The following ERGIC2 variants were observed in gnomAD, a reference collection of about 807,000 sequenced individuals.
ERGIC2 encodes endoplasmic reticulum-Golgi intermediate compartment protein 2.
Under a neutral mutation model 52.5 loss-of-function variants are expected in ERGIC2, and 31 were observed. The ratio of observed to expected loss-of-function variants is 0.59; its 90% CI spans 0.44 to 0.80. The LOEUF is 0.80. Ranked by LOEUF, ERGIC2 falls within the 30% of genes least tolerant of loss-of-function variation. The pLI, the probability that ERGIC2 is intolerant of heterozygous loss-of-function variation, is 0.00. For missense variants in ERGIC2, 395 were observed against 455.2 expected (o/e 0.87, Z 1.20); for synonymous variants, 129 against 140.6 (o/e 0.92, Z 0.58).
At chr12:29,347,570 T>C (rs1471626066) in intron 10 of ERGIC2, among the ~76,000 whole-genome samples, 1 of 152,100 alleles carries the variant, frequency 6.6e-6, no homozygotes, top group Non-Finnish European at 1.5e-5. Flanking sequence ...TCTAATTCCC[T>C]ATAGGAACGT....
chr12:29,366,467 C>T (rs924647605), intron 5 of ERGIC2, among the ~76,000 whole-genome samples: 9 of 151,762 alleles, frequency 5.9e-5, no homozygotes, highest in African/African-American at 2.2e-4. Context: ...AAGAGAAATA[C>T]AGTTCAAATA....
intron 1 of ERGIC2, among the ~76,000 whole-genome samples, chr12:29,374,684 T>C (rs971002291): frequency 6.6e-6 from 1 of 152,222 alleles, no homozygotes; most frequent in Non-Finnish European, 1.5e-5. Flanking sequence ...AAACATGGGT[T>C]ATATCTTTAG....
intron 6 of ERGIC2, among the ~76,000 whole-genome samples, chr12:29,359,549 A>G (rs746235443): frequency 1.3e-5 from 2 of 152,042 alleles, no homozygotes; most frequent in Non-Finnish European, 2.9e-5. Context: ...ACTTATTACT[A>G]GTTTCGAGCA....
chr12:29,344,006 A>G (rs1253469793), intron 11 of ERGIC2, among the ~76,000 whole-genome samples: 1 of 152,148 alleles, frequency 6.6e-6, no homozygotes, highest in African/African-American at 2.4e-5. Context: ...CAGTATAAAC[A>G]CATCCTTCAA....
rs775062759 is a variant in ERGIC2, at chr12:29,371,638, A to G, written c.-5T>C. 1.7e-5 allele frequency: 27 copies of G among 1,596,910 alleles called. No individual in the cohort carries two copies. The highest frequency in any genetic ancestry group is 2.3e-5 in the Non-Finnish European group (27 of 1,165,000). ...TTTCCGATTCAGTCGCCTCATCTTC[A>G]GGAAAACCTTCCTCTTCCTTCATAT... On this transcript the variant is annotated 5_prime_UTR_variant, in exon 2 of 14. Coordinates refer to ENST00000360150, the MANE Select transcript of ERGIC2 (RefSeq NM_016570.3).
chr12:29,363,832 T>A, intron 5 of ERGIC2, among the ~76,000 whole-genome samples: 6 of 102,932 alleles, frequency 5.8e-5, no homozygotes, highest in African/African-American at 9.0e-5. Flanking sequence ...ATCTCATAAA[T>A]GTGAAAAAAA....
intron 1 of ERGIC2, among the ~76,000 whole-genome samples, chr12:29,377,995 T>G (rs1378743816): frequency 6.6e-6 from 1 of 152,234 alleles, no homozygotes; most frequent in Non-Finnish European, 1.5e-5. Flanking sequence ...CAGTCTGAAC[T>G]GTGTCAACTC....
intron 8 of ERGIC2, among the ~76,000 whole-genome samples, chr12:29,353,729 C>CTTCTT (rs573583118): frequency 2.7e-4 from 40 of 147,136 alleles, no homozygotes; most frequent in Middle Eastern, 7.0e-3. Flanking sequence ...ATATTTCCTT[C>CTTCTT]TTTTTTTTTT....
At chr12:29,363,129 T>C (rs1940309249) in intron 5 of ERGIC2, among the ~76,000 whole-genome samples, 1 of 152,198 alleles carries the variant, frequency 6.6e-6, no homozygotes, top group African/African-American at 2.4e-5. Context: ...GCTCAAAAAG[T>C]TACAAACTTT....
Position 29,339,600 on chromosome 12 carries a change from A to C in ERGIC2, c.*1556T>G, listed in dbSNP as rs1478482566. ...AAAGTATGTTATATCACTTATTTTC[A>C]TCAGTTAACGTCATGGCTCTTAATG... On this transcript the variant is annotated 3_prime_UTR_variant, in exon 14 of 14. Coordinates refer to ENST00000360150, the MANE Select transcript of ERGIC2 (RefSeq NM_016570.3). The C allele has an allele frequency of 6.6e-6, 1 of 152,186 alleles. No homozygotes were observed. Among genetic ancestry groups the C allele is most frequent in the African/African-American group, 2.4e-5 (1 of 41,464 alleles). The allele number at this position is 152,186 out of a possible 1,614,324, so 9.4% of individuals were successfully genotyped here.
chr12:29,367,988 G>C (rs1424196132), intron 4 of ERGIC2, among the ~76,000 whole-genome samples: 1 of 151,770 alleles, frequency 6.6e-6, no homozygotes, highest in African/African-American at 2.4e-5. Context: ...CTAGAATGCT[G>C]ATTCACAAAC....
Position 29,345,445 on chromosome 12 carries a change from T to C in ERGIC2, c.823A>G (p.Arg275Gly). 1 of 1,545,952 alleles carries C rather than the reference T, an allele frequency of 6.5e-7. No homozygotes were observed. The highest frequency in any genetic ancestry group is 8.9e-7 in the Non-Finnish European group (1 of 1,122,448). Residue 275 changes from arginine to glycine, a missense_variant and splice_region_variant, in exon 11 of 14, where the codon AGG becomes GGG. By Grantham distance (125) the Arg-to-Gly change is moderately radical. Coordinates refer to ENST00000360150, the MANE Select transcript of ERGIC2 (RefSeq NM_016570.3). ...ADTHQFSVTE[R>G]ERIINHAAGS... Reference sequence around the variant, plus strand: ...TTTACCGGTTGGATTCAACTTACCCTTTCTGTCACAGAAAACTGATGGGTG... The same window carrying C: ...TTTACCGGTTGGATTCAACTTACCCCTTCTGTCACAGAAAACTGATGGGTG...
At chr12:29,379,339 C>T (rs1592003362) in intron 1 of ERGIC2, among the ~76,000 whole-genome samples, 1 of 151,634 alleles carries the variant, frequency 6.6e-6, no homozygotes, top group East Asian at 1.9e-4. Flanking sequence ...CACACTACAA[C>T]GTGACTATAT....
intron 10 of ERGIC2, among the ~76,000 whole-genome samples, chr12:29,346,933 G>A (rs1002365294): frequency 6.6e-6 from 1 of 152,156 alleles, no homozygotes; most frequent in African/African-American, 2.4e-5. Flanking sequence ...TTTTGTTAGA[G>A]ATGAAGCAAC....
chr12:29,368,353 C>A, intron 3 of ERGIC2, 66 bp from the exon 4 acceptor site: 2 of 817,270 alleles, frequency 2.4e-6, no homozygotes, highest in African/African-American at 1.8e-5. Context: ...AAATATAAAT[C>A]AACTGACCTA....
At chr12:29,372,035 C>T (rs902660690) in intron 1 of ERGIC2, among the ~76,000 whole-genome samples, 1 of 152,088 alleles carries the variant, frequency 6.6e-6, no homozygotes, top group African/African-American at 2.4e-5. Context: ...ATGGCCTGCT[C>T]ATACATTACT....
In ERGIC2 at chr12:29,350,061, G is replaced by C. The variant is rs531219614; in HGVS notation, c.580C>G (p.Pro194Ala). ...NFHITVGKAI[P>A]HPRGHAHLAA... Reference sequence around the variant, plus strand: ...AAATGTGCATGACCACGAGGATGTGGAATTGCCCTGAAAGGAGAAAAAACA... The same window carrying C: ...AAATGTGCATGACCACGAGGATGTGCAATTGCCCTGAAAGGAGAAAAAACA... Residue 194 changes from proline (P) to alanine (A), a missense_variant, in exon 9 of 14, where the codon CCA (proline) becomes GCA (alanine). By Grantham distance (27) the Pro-to-Ala change is conservative (BLOSUM62 -1). Coordinates refer to ENST00000360150, the MANE Select transcript of ERGIC2 (RefSeq NM_016570.3). The C allele has an allele frequency of 5.6e-6, 9 of 1,600,256 alleles. No homozygotes were observed. The African/African-American group carries it at 6.7e-5, about 12-fold the overall frequency.
rs1489159433 is a variant in ERGIC2, at chr12:29,357,686, T to C, written c.413A>G (p.His138Arg). 2 of 1,609,662 alleles carry C rather than the reference T, an allele frequency of 1.2e-6. No homozygotes were observed. Among genetic ancestry groups the C allele is most frequent in the Middle Eastern group, 1.7e-4 (1 of 6,036 alleles). ...QLIQSRLQEE[H>R]SLQDVIFKSA... is the part of the protein sequence containing the mutation. ...TTTAAATATCACATCTTGAAGTGAA[T>C]GCTCTTCTTGTAGCCTACTCTGAAT... The change falls in exon 7 of 14, where the codon CAT becomes CGT. Residue 138 changes from histidine to arginine, a missense_variant. Physicochemically the swap from His to Arg is conservative, Grantham distance 29. Transcript: ENST00000360150.
chr12:29,371,822 C>T (rs1405802278), intron 1 of ERGIC2, among the ~76,000 whole-genome samples, 152 bp from the exon 2 acceptor site: 1 of 152,146 alleles, frequency 6.6e-6, no homozygotes, highest in Non-Finnish European at 1.5e-5. Context: ...CCACACTACT[C>T]CTTTCCCCAT....
Sources: gnomAD v4.1 joint callset for allele counts (sites outside exome capture counted in the v4.1 genomes callset) on GRCh38, gnomAD v4.1.1 for gene constraint, MANE v1.5 for transcripts, NCBI Gene and HGNC (gene_info 2026-07-23, HGNC 2026-07-21) for gene names.